Variants in SLC35F3 observed in about 807,000 individuals in gnomAD.
The protein encoded by SLC35F3 is solute carrier family 35 member F3.
Under a neutral mutation model 49.9 loss-of-function variants are expected in SLC35F3, and 25 were observed. That is an observed-to-expected ratio of 0.50 (90% confidence interval 0.37 to 0.70). The LOEUF (loss-of-function observed/expected upper bound fraction) is 0.70. Among genes scored for constraint, SLC35F3 ranks in the 30% least tolerant of loss-of-function variants. The pLI is 0.00. For synonymous variants in SLC35F3, 275 were observed against 265.4 expected (o/e 1.04, Z -0.35); for missense variants, 525 against 639.8 (o/e 0.82, Z 1.94).
At chr1:234,050,575 C>T (rs1664361420) in intron 2 of SLC35F3, among the ~76,000 whole-genome samples, 1 of 152,122 alleles carries the variant, frequency 6.6e-6, no homozygotes, top group African/African-American at 2.4e-5. Flanking sequence ...AAATTTTTCC[C>T]ATTCTGTAAG....
intron 2 of SLC35F3, among the ~76,000 whole-genome samples, chr1:233,985,027 C>A (rs1356333764): frequency 6.6e-6 from 1 of 152,100 alleles, no homozygotes; most frequent in Non-Finnish European, 1.5e-5. Context: ...GGGGGTGCCC[C>A]TAAGAGGGGT....
chr1:234,047,549 T>C (rs1291126187), intron 2 of SLC35F3, among the ~76,000 whole-genome samples: 1 of 152,238 alleles, frequency 6.6e-6, no homozygotes, highest in Non-Finnish European at 1.5e-5. Context: ...CGTCATGAAC[T>C]TACTGGCCTT....
chr1:233,933,294 T>A (rs1260088955), intron 2 of SLC35F3, among the ~76,000 whole-genome samples: 1 of 152,156 alleles, frequency 6.6e-6, no homozygotes, highest in African/African-American at 2.4e-5. Context: ...TTCCAAATAG[T>A]CCAACCAAAT....
At chr1:234,207,428 CTTTCCTG>C (rs71772414) in intron 2 of SLC35F3, among the ~76,000 whole-genome samples, 11 of 69,984 alleles carry the variant, frequency 1.6e-4, no homozygotes, top group Non-Finnish European at 2.5e-4. Flanking sequence ...CTCCCTCCCT[CTTTCCTG>C]CTTCCTTTTT....
chr1:234,168,934 G>A (rs566975645), intron 2 of SLC35F3, among the ~76,000 whole-genome samples: 1 of 152,302 alleles, frequency 6.6e-6, no homozygotes, highest in Admixed American at 6.5e-5. Context: ...TGGCTTACAT[G>A]GTTATGGAGG....
intron 2 of SLC35F3, among the ~76,000 whole-genome samples, chr1:233,928,320 A>G (rs1445467899): frequency 6.6e-6 from 1 of 152,184 alleles, no homozygotes; most frequent in Non-Finnish European, 1.5e-5. Context: ...ATGTGAGCAC[A>G]TCACTGAGTG....
intron 2 of SLC35F3, among the ~76,000 whole-genome samples, chr1:234,063,736 C>G (rs1664577594): frequency 6.6e-6 from 1 of 152,150 alleles, no homozygotes; most frequent in African/African-American, 2.4e-5. Context: ...TTTAACTTAA[C>G]CACTCAGTCA....
intron 2 of SLC35F3, among the ~76,000 whole-genome samples, chr1:234,143,898 G>A (rs10910365): frequency 0.21 from 32,649 of 152,100 alleles, 4,596 homozygotes; most frequent in Non-Finnish European, 0.32. Context: ...GGGATGGCTG[G>A]GTCATATGAT....
rs79114775 is a variant in SLC35F3, at chr1:234,296,776, G to A, written c.609-12325G>A. ...AGAACAGATTCCTGTGGAGGAGGCT[G>A]TAAAACTCCTAGTTAGTGAGACATA... On this transcript the variant is annotated intron_variant, in intron 3 of 7. Transcript: ENST00000366618. 3.8e-3 allele frequency among the ~76,000 whole-genome samples: 579 copies of A among 152,344 alleles called. 6 individuals carry two copies. Among genetic ancestry groups the A allele is most frequent in the African/African-American group, 0.013 (551 of 41,590 alleles).
intron 2 of SLC35F3, among the ~76,000 whole-genome samples, chr1:234,042,330 A>T (rs1664233681): frequency 6.6e-6 from 1 of 152,324 alleles, no homozygotes; most frequent in African/African-American, 2.4e-5. Flanking sequence ...ATATGGTACC[A>T]ATTTTATATT....
intron 2 of SLC35F3, among the ~76,000 whole-genome samples, chr1:234,098,817 G>T (rs985540680): frequency 2.7e-5 from 4 of 147,984 alleles, no homozygotes; most frequent in Non-Finnish European, 4.5e-5. Flanking sequence ...GTGTTATAGG[G>T]TCATGATGGA....
chr1:234,191,524 C>A lies in SLC35F3; in HGVS notation c.284-39893C>A, dbSNP rs1322046504. Among the ~76,000 whole-genome samples the A allele has an allele frequency of 2.0e-5, 3 of 151,938 alleles. No individual in the cohort carries two copies. The East Asian group carries it at 5.8e-4, about 29-fold the overall frequency. On this transcript the variant is annotated intron_variant, in intron 2 of 7. Transcript: ENST00000366618. The stretch of plus-strand genomic sequence containing the variant: ...AAAGCACAAATAGGCAATCTAAGAC[C>A]ACACCTCAAGGAACTAGAGAAACAA...
At chr1:234,084,220 GACACACACACAC>G (rs34569981) in intron 2 of SLC35F3, among the ~76,000 whole-genome samples, 9 of 148,314 alleles carry the variant, frequency 6.1e-5, no homozygotes, top group East Asian at 2.0e-4. Flanking sequence ...ATAAGGAATA[GACACACACACAC>G]ACACACACAC....
Position 234,197,626 on chromosome 1 carries a change from G to A in SLC35F3, c.284-33791G>A, listed in dbSNP as rs1297962164. Among the ~76,000 whole-genome samples the A allele has an allele frequency of 3.9e-5, 6 of 152,212 alleles. No individual in the cohort carries two copies. In the South Asian group the frequency reaches 8.3e-4, roughly 21 times the overall value. On this transcript the variant is annotated intron_variant, in intron 2 of 7. Transcript: ENST00000366618. ...AGAAGGGTGCTGGGGGAAGTGAGAGGGGCAGTTCTCCTGCCCACAAGAACC... is the reference window on the plus strand; with the variant it reads ...AGAAGGGTGCTGGGGGAAGTGAGAGAGGCAGTTCTCCTGCCCACAAGAACC...
intron 2 of SLC35F3, among the ~76,000 whole-genome samples, chr1:234,174,472 G>T (rs570936411): frequency 2.0e-5 from 3 of 152,268 alleles, no homozygotes; most frequent in South Asian, 4.1e-4. Flanking sequence ...ATGCTTATGC[G>T]TCACAGACAC....
intron 3 of SLC35F3, among the ~76,000 whole-genome samples, chr1:234,259,100 G>A (rs1477264815): frequency 6.6e-6 from 1 of 152,218 alleles, no homozygotes; most frequent in East Asian, 1.9e-4. Flanking sequence ...AAGACTTTGG[G>A]AGAGCCTAAT....
intron 2 of SLC35F3, among the ~76,000 whole-genome samples, chr1:233,933,035 TAAAA>T (rs59669736): frequency 5.2e-5 from 7 of 134,938 alleles, no homozygotes; most frequent in African/African-American, 1.1e-4. Context: ...GCTATTTAAG[TAAAA>T]AAAAAAAAAA....
At chr1:233,956,476 G>A (rs1451020627) in intron 2 of SLC35F3, among the ~76,000 whole-genome samples, 3 of 152,196 alleles carry the variant, frequency 2.0e-5, no homozygotes, top group Non-Finnish European at 4.4e-5. Flanking sequence ...ATGGTTGTGG[G>A]GGAAAGGCAA....
At chr1:234,265,346 G>T (rs1013359142) in intron 3 of SLC35F3, among the ~76,000 whole-genome samples, 1 of 151,000 alleles carries the variant, frequency 6.6e-6, no homozygotes. Flanking sequence ...TTTTCTTTTT[G>T]TTTTTTTGGT....
Sources: gnomAD v4.1 joint callset for allele counts (sites outside exome capture counted in the v4.1 genomes callset) on GRCh38, gnomAD v4.1.1 for gene constraint, MANE v1.5 for transcripts, NCBI Gene and HGNC (gene_info 2026-07-23, HGNC 2026-07-21) for gene names.